POU2AF3: variants seen among roughly 807,000 people sequenced by gnomAD.
POU2AF3 encodes cancer susceptibility candidate 13.
At chr11:111,298,824 A>AGGCGGGC in the POU2AF3 span, 2 of 903,144 alleles carry the variant, frequency 2.2e-6, no homozygotes, top group Non-Finnish European at 1.4e-6. Flanking sequence ...CGCGTACCCC[A>AGGCGGGC]GGCCCCCGCC....
chr11:111,307,360 C>T, the POU2AF3 span, among the ~76,000 whole-genome samples: 30 of 152,194 alleles, frequency 2.0e-4, no homozygotes, highest in Admixed American at 4.6e-4. Context: ...AATGTAAATA[C>T]TTTTTGCCTT....
the POU2AF3 span, chr11:111,298,979 C>T: frequency 1.0e-6 from 1 of 1,004,936 alleles, no homozygotes; most frequent in Non-Finnish European, 1.2e-6. Flanking sequence ...CGAGCTGTGG[C>T]GGTCCCTGCG....
At chr11:111,308,645 A>G in the POU2AF3 span, 19 of 405,432 alleles carry the variant, frequency 4.7e-5, no homozygotes, top group African/African-American at 2.7e-4. Context: ...CATAGTTTAA[A>G]TTTTTGTAGG....
the POU2AF3 span, chr11:111,298,615 G>C: frequency 6.4e-6 from 8 of 1,246,374 alleles, no homozygotes; most frequent in Admixed American, 2.5e-4. Context: ...TCCTAGGGTC[G>C]GGTCAGGCGG....
the POU2AF3 span, chr11:111,306,679 G>A: frequency 3.0e-6 from 4 of 1,311,818 alleles, no homozygotes; most frequent in Admixed American, 2.1e-5. Context: ...GGGTAATAGT[G>A]CTTTGTGAGT....
the POU2AF3 span, chr11:111,306,429 C>T: frequency 1.5e-5 from 22 of 1,476,306 alleles, no homozygotes; most frequent in Non-Finnish European, 8.1e-6. Flanking sequence ...TTCTTCCACG[C>T]CCAATTATTT....
At chr11:111,303,853 A>ATAC in the POU2AF3 span, among the ~76,000 whole-genome samples, 28 of 152,072 alleles carry the variant, frequency 1.8e-4, no homozygotes, top group African/African-American at 6.0e-4. Flanking sequence ...TCACAGAGCA[A>ATAC]TACGGGTACC....
the POU2AF3 span, chr11:111,298,715 G>A: frequency 9.0e-7 from 1 of 1,108,148 alleles, no homozygotes; most frequent in East Asian, 3.2e-5. Context: ...GTAAGGGCCG[G>A]GGATCCGGAG....
At chr11:111,298,634 C>T in the POU2AF3 span, 1 of 1,244,746 alleles carries the variant, frequency 8.0e-7, no homozygotes, top group South Asian at 4.1e-5. Context: ...GGGCCAGGGG[C>T]ATTTCAATCC....
the POU2AF3 span, chr11:111,308,052 G>T: frequency 6.8e-7 from 1 of 1,473,292 alleles, no homozygotes; most frequent in Non-Finnish European, 9.0e-7. Flanking sequence ...TTTGTTTCTT[G>T]GTTGTCATTT....
the POU2AF3 span, chr11:111,306,665 T>C: frequency 7.1e-7 from 1 of 1,412,686 alleles, no homozygotes; most frequent in Non-Finnish European, 9.8e-7. Flanking sequence ...TGTGTCTAAC[T>C]ATGGGGTAAT....
At chr11:111,299,945 C>T in the POU2AF3 span, 1 of 406,026 alleles carries the variant, frequency 2.5e-6, no homozygotes, top group Non-Finnish European at 4.3e-6. Flanking sequence ...AACCTCACCG[C>T]TTGCTCCCGG....
chr11:111,304,787 AAAG>A, the POU2AF3 span: 4 of 450,428 alleles, frequency 8.9e-6, no homozygotes, highest in Non-Finnish European at 1.5e-5. Flanking sequence ...TGAAAAAAAA[AAAG>A]AAAGCAACTT....
the POU2AF3 span, chr11:111,308,283 G>A: frequency 6.4e-7 from 1 of 1,551,728 alleles, no homozygotes; most frequent in Non-Finnish European, 8.7e-7. Flanking sequence ...ACCTCCATCT[G>A]CTACTGCGCA....
the POU2AF3 span, chr11:111,299,714 A>C: frequency 8.1e-7 from 1 of 1,231,828 alleles, no homozygotes; most frequent in South Asian, 4.1e-5. Context: ...CCTGCCCCAG[A>C]AAGGGAGGGG....
the POU2AF3 span, chr11:111,305,095 C>T: frequency 1.8e-6 from 1 of 549,198 alleles, no homozygotes; most frequent in Non-Finnish European, 2.7e-6. Context: ...TAATTGGAAT[C>T]CAACCAATCA....
At chr11:111,299,040 A>G in the POU2AF3 span, 1 of 989,954 alleles carries the variant, frequency 1.0e-6, no homozygotes, top group Non-Finnish European at 1.2e-6. Flanking sequence ...CGATCGGGGA[A>G]CGGGGTGGTG....
chr11:111,306,625 T>TTAG, the POU2AF3 span: 2 of 1,550,130 alleles, frequency 1.3e-6, no homozygotes, highest in South Asian at 2.4e-5. Flanking sequence ...CAGAGCCTGG[T>TTAG]AATTTTTCTC....
the POU2AF3 span, among the ~76,000 whole-genome samples, chr11:111,305,570 G>T: frequency 6.6e-6 from 1 of 152,192 alleles, no homozygotes; most frequent in African/African-American, 2.4e-5. Context: ...ATGTGTCACC[G>T]TAGCTTCACC....
Sources: gnomAD v4.1 joint callset for allele counts (sites outside exome capture counted in the v4.1 genomes callset) on GRCh38, gnomAD v4.1.1 for gene constraint, MANE v1.5 for transcripts, NCBI Gene and HGNC (gene_info 2026-07-23, HGNC 2026-07-21) for gene names.